Variants in CYP2C19 observed in about 807,000 individuals in gnomAD.
CYP2C19 encodes cytochrome P450 2C19.
Under a neutral mutation model 40.9 loss-of-function variants are expected in CYP2C19, and 59 were observed. That is an observed-to-expected ratio of 1.44 (90% CI 1.17 to 1.79). The LOEUF (loss-of-function observed/expected upper bound fraction) is 1.79. Ranked by LOEUF, CYP2C19 falls within the 40% of genes most tolerant of loss-of-function variation. The pLI is 0.00. For synonymous variants in CYP2C19, 253 were observed against 208.7 expected, an observed-to-expected ratio of 1.21 and a Z score of -1.83; for missense variants, 754 against 596.9, an observed-to-expected ratio of 1.26 and a Z score of -2.74.
intron 5 of CYP2C19, among the ~76,000 whole-genome samples, chr10:94,815,557 C>A (rs1431699289): frequency 6.6e-6 from 1 of 152,226 alleles, no homozygotes; most frequent in Non-Finnish European, 1.5e-5. Context: ...GAACTCCAGT[C>A]TCTGAGTCTT....
chr10:94,811,881 G>C (rs1351411372), intron 5 of CYP2C19, among the ~76,000 whole-genome samples: 2 of 151,980 alleles, frequency 1.3e-5, no homozygotes, highest in Non-Finnish European at 2.9e-5. Context: ...TTACATTTAA[G>C]GTTAATATTG....
intron 5 of CYP2C19, among the ~76,000 whole-genome samples, chr10:94,807,363 T>C (rs771897473): frequency 1.3e-5 from 2 of 152,154 alleles, no homozygotes. Context: ...TATGGAAGTA[T>C]AACTATCTCC....
chr10:94,852,603 T>C (rs1418449084), intron 8 of CYP2C19, 130 bp from the exon 9 acceptor site: 5 of 939,010 alleles, frequency 5.3e-6, no homozygotes, highest in Non-Finnish European at 8.1e-6. Context: ...CACCCATCTA[T>C]CTACTCATCC....
chr10:94,853,352 C>T lies in CYP2C19; in HGVS notation c.*438C>T, dbSNP rs191493794. 184 of 398,266 alleles carry T rather than the reference C, an allele frequency of 4.6e-4. 3 individuals are homozygous for T. The East Asian group carries it at 6.4e-3, about 14-fold the overall frequency. 24.7% of individuals were successfully genotyped at this position (398,266 alleles called of 1,614,324 possible). On this transcript the variant is annotated 3_prime_UTR_variant, in exon 9 of 9. Transcript: ENST00000371321. ...CAGGAGGCCATGCTGGTTCTCAAAA[C>T]GATAAGGACAGAAAGGACAAAGGTG...
chr10:94,834,030 G>A lies in CYP2C19; in HGVS notation c.962-8807G>A, dbSNP rs1012423282. On this transcript the variant is annotated intron_variant, in intron 6 of 8. Transcript: ENST00000371321. ...CTGGCTTCATAGAATGAGTTTGGAAGTATTCTCTTCTCCTTTATTTTTTGG... is the reference window on the plus strand; with the variant it reads ...CTGGCTTCATAGAATGAGTTTGGAAATATTCTCTTCTCCTTTATTTTTTGG... 5.3e-5 allele frequency among the ~76,000 whole-genome samples: 8 copies of A among 152,234 alleles called. No homozygotes were observed. In the East Asian group the frequency reaches 1.3e-3, roughly 26 times the overall value.
chr10:94,786,205 A>C (rs968612468), intron 5 of CYP2C19, among the ~76,000 whole-genome samples: 2 of 152,126 alleles, frequency 1.3e-5, no homozygotes, highest in Non-Finnish European at 2.9e-5. Flanking sequence ...TATCCCAGGT[A>C]ATGTAGCTGC....
At position 94,853,061 on chromosome 10, in the gene CYP2C19, A is replaced by T; in HGVS notation, c.*147A>T. 2 of 853,448 alleles carry T rather than the reference A, an allele frequency of 2.3e-6. No homozygotes were observed. Among genetic ancestry groups the T allele is most frequent in the Non-Finnish European group, 3.6e-6 (2 of 560,950 alleles). The allele number at this position is 853,448 out of a possible 1,614,324, so 52.9% of individuals were successfully genotyped here. On this transcript the variant is annotated 3_prime_UTR_variant, in exon 9 of 9. Transcript: ENST00000371321. ...ATCTAGTGAACATTCAGCCTCCATTAAAAAAGTTTCACTGTGCAAATATAT... is the reference window on the plus strand; with the variant it reads ...ATCTAGTGAACATTCAGCCTCCATTTAAAAAGTTTCACTGTGCAAATATAT...
intron 5 of CYP2C19, among the ~76,000 whole-genome samples, chr10:94,804,888 T>A (rs572323548): frequency 5.3e-5 from 8 of 152,334 alleles, no homozygotes; most frequent in Admixed American, 2.0e-4. Flanking sequence ...TATTCTTTAT[T>A]CTTTAGCAAT....
chr10:94,792,999 T>A (rs180816704), intron 5 of CYP2C19, among the ~76,000 whole-genome samples: 1 of 152,160 alleles, frequency 6.6e-6, no homozygotes, highest in Non-Finnish European at 1.5e-5. Flanking sequence ...ACCAATCAGA[T>A]GTAGATTTGG....
rs772159414 is a variant in CYP2C19, at chr10:94,781,955, C to A, written c.777C>A (p.Asn259Lys). ...KEHQESMDINNPRDFIDCFLI... is the reference protein window; with the variant it reads ...KEHQESMDINKPRDFIDCFLI... Reference sequence around the variant, plus strand: ...ACCAAGAATCGATGGACATCAACAACCCTCGGGACTTTATTGATTGCTTCC... The same window carrying A: ...ACCAAGAATCGATGGACATCAACAAACCTCGGGACTTTATTGATTGCTTCC... Residue 259 changes from asparagine (N) to lysine (K), a missense_variant, in exon 5 of 9, where the codon AAC (asparagine) becomes AAA (lysine). Asn to Lys is a moderately conservative substitution (Grantham distance 94). Transcript: ENST00000371321. The A allele has an allele frequency of 3.9e-6, 6 of 1,527,112 alleles. No homozygotes were observed. The highest frequency in any genetic ancestry group is 2.3e-5 in the Admixed American group (1 of 42,834). 94.6% of individuals were successfully genotyped at this position (1,527,112 alleles called of 1,614,324 possible).
Position 94,808,101 on chromosome 10 carries a change from C to G in CYP2C19, c.820-12395C>G, listed in dbSNP as rs148920364. On this transcript the variant is annotated intron_variant, in intron 5 of 8. Coordinates refer to ENST00000371321, the MANE Select transcript of CYP2C19 (RefSeq NM_000769.4). ...TTCTGCATATAAACATCCAGTTTTCCTGTTGCTATTTAATGAAAAGACTGT... is the reference window on the plus strand; with the variant it reads ...TTCTGCATATAAACATCCAGTTTTCGTGTTGCTATTTAATGAAAAGACTGT... 6.3e-3 allele frequency among the ~76,000 whole-genome samples: 965 copies of G among 152,088 alleles called. 6 individuals carry two copies. Among genetic ancestry groups the G allele is most frequent in the Non-Finnish European group, 9.9e-3 (671 of 67,932 alleles).
chr10:94,791,032 C>T (rs1848598931), intron 5 of CYP2C19, among the ~76,000 whole-genome samples: 1 of 152,078 alleles, frequency 6.6e-6, no homozygotes, highest in Non-Finnish European at 1.5e-5. Context: ...TTAATTATTG[C>T]CTCAATTTCA....
rs146468097 is a variant in CYP2C19, at chr10:94,810,881, C to T, written c.820-9615C>T. Among the ~76,000 whole-genome samples, 1,025 of 152,238 alleles carry T rather than the reference C, an allele frequency of 6.7e-3. 50 individuals are homozygous for T. Among genetic ancestry groups the T allele is most frequent in the Admixed American group, 0.061 (932 of 15,276 alleles). Reference sequence around the variant, plus strand: ...TGAAGGGATTTTCCTGTCTCTATCTCCTTCAATTCTGCTCTGATATTAGTT... The same window carrying T: ...TGAAGGGATTTTCCTGTCTCTATCTTCTTCAATTCTGCTCTGATATTAGTT... On this transcript the variant is annotated intron_variant, in intron 5 of 8. Coordinates refer to ENST00000371321, the MANE Select transcript of CYP2C19 (RefSeq NM_000769.4).
Position 94,852,733 on chromosome 10 carries a change from G to C in CYP2C19, c.1292G>C (p.Gly431Ala). The change falls in exon 9 of 9, where the codon GGA (glycine) becomes GCA (alanine). Residue 431 changes from glycine to alanine, a missense_variant and splice_region_variant. Gly to Ala is a moderately conservative substitution (Grantham distance 60). Coordinates refer to ENST00000371321, the MANE Select transcript of CYP2C19 (RefSeq NM_000769.4). ...KSNYFMPFSA[G>A]KRICVGEGLA... Reference sequence around the variant, plus strand: ...TTCTCCCTATGTTTGTTATTTTCAGGAAAACGGATTTGTGTGGGAGAGGGC... The same window carrying C: ...TTCTCCCTATGTTTGTTATTTTCAGCAAAACGGATTTGTGTGGGAGAGGGC... 1 of 1,613,710 alleles carries C rather than the reference G, an allele frequency of 6.2e-7. No homozygotes were observed. The highest frequency in any genetic ancestry group is 1.1e-5 in the South Asian group (1 of 91,078).
Position 94,854,681 on chromosome 10 carries a change from A to G in CYP2C19, c.*1767A>G, listed in dbSNP as rs562977447. Among the ~76,000 whole-genome samples, 48 of 152,244 alleles carry G rather than the reference A, an allele frequency of 3.2e-4. No individual in the cohort carries two copies. Among genetic ancestry groups the G allele is most frequent in the Non-Finnish European group, 2.6e-4 (18 of 68,016 alleles). On this transcript the variant is annotated 3_prime_UTR_variant, in exon 9 of 9. Coordinates refer to ENST00000371321, the MANE Select transcript of CYP2C19 (RefSeq NM_000769.4). Reference sequence around the variant, plus strand: ...TTATGTGCATTCACACATAATATATATATGTATAACTTATGCACACATACA... The same window carrying G: ...TTATGTGCATTCACACATAATATATGTATGTATAACTTATGCACACATACA...
At chr10:94,821,866 G>T (rs942432366) in intron 6 of CYP2C19, among the ~76,000 whole-genome samples, 1 of 151,576 alleles carries the variant, frequency 6.6e-6, no homozygotes, top group Non-Finnish European at 1.5e-5. Context: ...ACTGAGTCTC[G>T]GGGTCCCAAC....
intron 5 of CYP2C19, among the ~76,000 whole-genome samples, chr10:94,806,567 C>G (rs1228141379): frequency 6.7e-6 from 1 of 150,290 alleles, no homozygotes; most frequent in African/African-American, 2.4e-5. Flanking sequence ...TTGTTGTTTT[C>G]TTTTGTTTTC....
intron 5 of CYP2C19, among the ~76,000 whole-genome samples, chr10:94,806,656 G>A (rs34121168): frequency 0.17 from 25,503 of 147,330 alleles, 2,442 homozygotes; most frequent in South Asian, 0.33. Flanking sequence ...TAATGCAAAT[G>A]TATAATAGTA....
intron 5 of CYP2C19, among the ~76,000 whole-genome samples, chr10:94,808,779 T>A (rs1348638210): frequency 2.6e-5 from 4 of 152,214 alleles, no homozygotes; most frequent in African/African-American, 9.6e-5. Context: ...TTTTTTTAAA[T>A]GGCTGTATAG....
Sources: allele counts gnomAD v4.1 joint callset (sites outside exome capture counted in the v4.1 genomes callset), GRCh38; gene constraint gnomAD v4.1.1; transcripts MANE v1.5; gene names NCBI Gene and HGNC (gene_info 2026-07-23, HGNC 2026-07-21).